The following FAF1 variants were observed in gnomAD, a reference collection of about 807,000 sequenced individuals.
FAF1 encodes FAS-associated factor 1.
In FAF1, 25 loss-of-function variants were observed where a neutral mutation model predicts 92.5. That is an observed-to-expected ratio of 0.27 (90% CI 0.20 to 0.38). FAF1 has a LOEUF of 0.38. Among genes scored for constraint, FAF1 ranks in the 10% least tolerant of loss-of-function variants. The probability of loss-of-function intolerance (pLI) is 1.00; values close to 1 mark genes in which losing one functional copy is unlikely to be tolerated. For synonymous variants in FAF1, 234 were observed against 273.2 expected, an observed-to-expected ratio of 0.86 and a Z score of 1.42; for missense variants, 636 against 793.3, an observed-to-expected ratio of 0.80 and a Z score of 2.38.
intron 9 of FAF1, among the ~76,000 whole-genome samples, chr1:50,593,061 T>C (rs1413014003): frequency 2.6e-5 from 4 of 151,966 alleles, no homozygotes; most frequent in African/African-American, 7.2e-5. Flanking sequence ...TTCAACTTAA[T>C]ATAAGGAAGA....
At chr1:50,602,834 C>T (rs776181010) in intron 8 of FAF1, among the ~76,000 whole-genome samples, 6 of 152,092 alleles carry the variant, frequency 3.9e-5, no homozygotes, top group Middle Eastern at 3.2e-3. Context: ...TATATACATA[C>T]ACCCATGAAA....
chr1:50,872,311 C>A (rs1557568766), intron 1 of FAF1, among the ~76,000 whole-genome samples: 1 of 152,166 alleles, frequency 6.6e-6, no homozygotes, highest in Non-Finnish European at 1.5e-5. Context: ...AGCAGAGGAA[C>A]TGCAGATATG....
intron 4 of FAF1, among the ~76,000 whole-genome samples, chr1:50,763,772 A>C (rs936971914): frequency 6.6e-6 from 1 of 152,210 alleles, no homozygotes; most frequent in Non-Finnish European, 1.5e-5. Flanking sequence ...AAGTGAACCA[A>C]TATTTTCCAA....
At chr1:50,523,927 C>T (rs746331971) in intron 15 of FAF1, among the ~76,000 whole-genome samples, 9 of 152,160 alleles carry the variant, frequency 5.9e-5, no homozygotes, top group Non-Finnish European at 1.0e-4. Flanking sequence ...ATTGCTGAGT[C>T]GAATGGCATT....
chr1:50,912,332 G>A (rs183348397), intron 1 of FAF1, among the ~76,000 whole-genome samples: 8 of 152,278 alleles, frequency 5.3e-5, no homozygotes, highest in Admixed American at 3.9e-4. Flanking sequence ...TACTGAATCA[G>A]ACTTTCTAGA....
chr1:50,661,420 A>G (rs1044827214), intron 7 of FAF1, among the ~76,000 whole-genome samples: 1 of 152,216 alleles, frequency 6.6e-6, no homozygotes, highest in African/African-American at 2.4e-5. Context: ...CAAAAACAAA[A>G]TGTTCAGTAA....
At chr1:50,761,455 C>T (rs971860550) in intron 4 of FAF1, among the ~76,000 whole-genome samples, 3 of 152,138 alleles carry the variant, frequency 2.0e-5, no homozygotes, top group African/African-American at 4.8e-5. Context: ...TACTGGCAAA[C>T]CGAATCCAGC....
At chr1:50,732,964 C>T (rs1433338392) in intron 6 of FAF1, among the ~76,000 whole-genome samples, 1 of 151,762 alleles carries the variant, frequency 6.6e-6, no homozygotes, top group Non-Finnish European at 1.5e-5. Flanking sequence ...AAAATACAGA[C>T]TAAAGTTAAT....
chr1:50,895,798 T>C (rs1017488038), intron 1 of FAF1, among the ~76,000 whole-genome samples: 17 of 152,012 alleles, frequency 1.1e-4, no homozygotes, highest in African/African-American at 3.9e-4. Context: ...AACCATATGT[T>C]CACTGCAATA....
At chr1:50,685,537 A>G (rs568248079) in intron 7 of FAF1, among the ~76,000 whole-genome samples, 1 of 152,310 alleles carries the variant, frequency 6.6e-6, no homozygotes, top group South Asian at 2.1e-4. Flanking sequence ...CTTAAATACT[A>G]CTTACTTATC....
chr1:50,645,517 G>C (rs1184754745), intron 8 of FAF1, among the ~76,000 whole-genome samples: 1 of 152,138 alleles, frequency 6.6e-6, no homozygotes, highest in South Asian at 2.1e-4. Flanking sequence ...AGCAGCTGTG[G>C]CACAGTACAT....
At chr1:50,451,382 T>TA (rs1646291763) in intron 18 of FAF1, among the ~76,000 whole-genome samples, 1 of 152,178 alleles carries the variant, frequency 6.6e-6, no homozygotes, top group South Asian at 2.1e-4. Flanking sequence ...TAAGCACTCA[T>TA]ACAACTCTAT....
In FAF1 at chr1:50,857,895, T is replaced by G. The variant is rs376644823; in HGVS notation, c.114+34A>C. On this transcript the variant is annotated intron_variant, in intron 2 of 18. Coordinates refer to ENST00000396153, the MANE Select transcript of FAF1 (RefSeq NM_007051.3). ...AAGACATTCAAGAATTCATAAAATT[T>G]GATTACTCATCAGAGAAAGAAAAAA... 77 of 1,316,234 alleles carry G rather than the reference T, an allele frequency of 5.9e-5. No homozygotes were observed. The African/African-American group carries it at 9.7e-4, about 17-fold the overall frequency. The allele number at this position is 1,316,234 out of a possible 1,614,324, so 81.5% of individuals were successfully genotyped here. A position where few individuals can be genotyped will look rare whatever the true frequency, so the allele number is the denominator to read the frequency against.
intron 18 of FAF1, 43 bp from the exon 19 acceptor site, chr1:50,441,566 A>G (rs1406651401): frequency 1.7e-6 from 2 of 1,208,184 alleles, no homozygotes; most frequent in South Asian, 2.8e-5. Flanking sequence ...TGAAACAAGC[A>G]CTATATTCTC....
chr1:50,936,466 G>A (rs1457213319), intron 1 of FAF1, among the ~76,000 whole-genome samples: 1 of 152,152 alleles, frequency 6.6e-6, no homozygotes, highest in Non-Finnish European at 1.5e-5. Flanking sequence ...TAAGAGTCAG[G>A]AGAACTGACA....
chr1:50,902,125 G>T (rs1432324181), intron 1 of FAF1, among the ~76,000 whole-genome samples: 1 of 152,194 alleles, frequency 6.6e-6, no homozygotes, highest in Non-Finnish European at 1.5e-5. Context: ...GTCCATGTCA[G>T]ATAGAGGTGA....
chr1:50,482,699 T>C lies in FAF1; in HGVS notation c.1654-7020A>G, dbSNP rs539111163. Among the ~76,000 whole-genome samples, 4 of 152,310 alleles carry C rather than the reference T, an allele frequency of 2.6e-5. No individual in the cohort carries two copies. In the South Asian group the frequency reaches 8.3e-4, roughly 32 times the overall value. On this transcript the variant is annotated intron_variant, in intron 17 of 18. Coordinates refer to ENST00000396153, the MANE Select transcript of FAF1 (RefSeq NM_007051.3). ...TATTGTCCCTTTTTCTTTTAAAAAGTCTTCTAAAAGGTGTACATATATTGT... is the reference window on the plus strand; with the variant it reads ...TATTGTCCCTTTTTCTTTTAAAAAGCCTTCTAAAAGGTGTACATATATTGT...
At position 50,650,493 on chromosome 1, in the gene FAF1, G is replaced by A. The variant is rs113631365; in HGVS notation, c.744+4949C>T. Among the ~76,000 whole-genome samples, 432 of 151,988 alleles carry A rather than the reference G, an allele frequency of 2.8e-3. 4 individuals are homozygous for A. The highest frequency in any genetic ancestry group is 9.9e-3 in the African/African-American group (410 of 41,454). The stretch of plus-strand genomic sequence containing the variant: ...AAATGAGCTGGGCATGGTGGTATAC[G>A]CCTGTAATCCCAGCTACTTGGGATG... On this transcript the variant is annotated intron_variant, in intron 8 of 18. Coordinates refer to ENST00000396153, the MANE Select transcript of FAF1 (RefSeq NM_007051.3).
chr1:50,500,302 T>G (rs1646968589), intron 15 of FAF1, among the ~76,000 whole-genome samples: 1 of 152,126 alleles, frequency 6.6e-6, no homozygotes, highest in Non-Finnish European at 1.5e-5. Context: ...TGTATGGTAC[T>G]GTTGTAAAGA....
Sources: gnomAD v4.1 joint callset for allele counts (sites outside exome capture counted in the v4.1 genomes callset) on GRCh38, gnomAD v4.1.1 for gene constraint, MANE v1.5 for transcripts, NCBI Gene and HGNC (gene_info 2026-07-23, HGNC 2026-07-21) for gene names.